Variants in NT5DC3 observed in about 807,000 individuals in gnomAD.
NT5DC3 encodes 5'-nucleotidase domain-containing protein 3.
A neutral mutation model predicts 67.8 loss-of-function variants in NT5DC3; 42 were observed. That is an observed-to-expected ratio of 0.62 (90% CI 0.48 to 0.80). NT5DC3 has a LOEUF of 0.80. Among genes scored for constraint, NT5DC3 ranks in the 30% least tolerant of loss-of-function variants. NT5DC3 has a pLI of 0.00. For missense variants in NT5DC3, 570 were observed against 696.4 expected (o/e 0.82, Z 2.04); for synonymous variants, 237 against 255.6 (o/e 0.93, Z 0.69).
chr12:103,749,841 C>CAAAAAAAAAAAAAAAAAA, the NT5DC3 span, among the ~76,000 whole-genome samples: 6 of 51,152 alleles, frequency 1.2e-4, no homozygotes, highest in African/African-American at 2.1e-4. Flanking sequence ...CTCTGTCTCA[C>CAAAAAAAAAAAAAAAAAA]AAAAAAAAAA....
downstream of NT5DC3, among the ~76,000 whole-genome samples, chr12:103,768,592 G>A (rs57720260): frequency 0.16 from 24 of 150 alleles, 5 homozygotes; most frequent in African/African-American, 0.31. Flanking sequence ...GGGGAGGGAG[G>A]GAGAGGGAAA....
intron 12 of NT5DC3, among the ~76,000 whole-genome samples, chr12:103,781,920 C>T (rs1050630676): frequency 2.0e-5 from 3 of 152,214 alleles, no homozygotes; most frequent in African/African-American, 4.8e-5. Flanking sequence ...AGATTGGCTA[C>T]ATATCTTTGC....
At chr12:103,832,724 A>ATT (rs1887985191) in intron 1 of NT5DC3, among the ~76,000 whole-genome samples, 1 of 152,142 alleles carries the variant, frequency 6.6e-6, no homozygotes, top group Non-Finnish European at 1.5e-5. Flanking sequence ...GCAAATTTAA[A>ATT]TCTAAAAAAC....
At chr12:103,746,949 CT>C in the NT5DC3 span, among the ~76,000 whole-genome samples, 42,200 of 96,000 alleles carry the variant, frequency 0.44, 7,574 homozygotes, top group Non-Finnish European at 0.45. Context: ...GTTTTTCTTT[CT>C]TTTTTTTTTT....
the NT5DC3 span, chr12:103,753,235 T>G: frequency 1.7e-5 from 28 of 1,614,096 alleles, no homozygotes; most frequent in African/African-American, 3.6e-4. Context: ...ACTGTTGGGG[T>G]GTTCCATCTA....
the NT5DC3 span, among the ~76,000 whole-genome samples, chr12:103,761,629 A>G: frequency 6.6e-6 from 1 of 152,018 alleles, no homozygotes; most frequent in East Asian, 1.9e-4. Context: ...AGTCACCATT[A>G]ATATCTGTTG....
chr12:103,816,127 T>C (rs1887240616), intron 1 of NT5DC3, among the ~76,000 whole-genome samples: 1 of 152,250 alleles, frequency 6.6e-6, no homozygotes. Context: ...TTCATATATA[T>C]TGGTGTGCCA....
intron 4 of NT5DC3, among the ~76,000 whole-genome samples, chr12:103,800,577 T>C (rs932488281): frequency 3.3e-5 from 5 of 152,188 alleles, no homozygotes; most frequent in Admixed American, 1.3e-4. Flanking sequence ...AGCAACCAAA[T>C]GGCGGCTCAG....
chr12:103,813,238 G>T (rs561585349), intron 2 of NT5DC3, among the ~76,000 whole-genome samples: 1 of 152,354 alleles, frequency 6.6e-6, no homozygotes, highest in South Asian at 2.1e-4. Flanking sequence ...GGCATGGGGT[G>T]GCAGGCAGGA....
chr12:103,762,126 G>A, the NT5DC3 span: 5 of 1,039,436 alleles, frequency 4.8e-6, no homozygotes, highest in South Asian at 8.0e-5. Flanking sequence ...AAGGGTATTA[G>A]ACCCTGGCAG....
At chr12:103,787,170 A>G (rs1428939835) in intron 11 of NT5DC3, among the ~76,000 whole-genome samples, 1 of 148,376 alleles carries the variant, frequency 6.7e-6, no homozygotes, top group Non-Finnish European at 1.5e-5. Flanking sequence ...AAATGGAAAG[A>G]TTATTCTGAT....
chr12:103,765,453 C>T (rs1310259009), downstream of NT5DC3, among the ~76,000 whole-genome samples: 1 of 152,212 alleles, frequency 6.6e-6, no homozygotes, highest in Non-Finnish European at 1.5e-5. Flanking sequence ...GACACATTTA[C>T]CACCACTAGT....
the NT5DC3 span, among the ~76,000 whole-genome samples, chr12:103,748,083 T>C: frequency 6.6e-6 from 1 of 152,172 alleles, no homozygotes; most frequent in Non-Finnish European, 1.5e-5. Flanking sequence ...ACATGTACTT[T>C]CTAATATTTT....
downstream of NT5DC3, among the ~76,000 whole-genome samples, chr12:103,771,485 TG>T (rs1885180234): frequency 6.6e-6 from 1 of 152,214 alleles, no homozygotes; most frequent in South Asian, 2.1e-4. Context: ...TTCAGTGTAC[TG>T]GGCTCTCCCT....
chr12:103,801,662 C>T (rs138452998), intron 4 of NT5DC3, among the ~76,000 whole-genome samples: 9,019 of 151,988 alleles, frequency 0.059, 870 homozygotes, highest in African/African-American at 0.21. Flanking sequence ...ATTACAGGCA[C>T]GAGCCACAGT....
chr12:103,772,261 G>A (rs978556172), downstream of NT5DC3: 2 of 152,210 alleles, frequency 1.3e-5, no homozygotes, highest in African/African-American at 2.4e-5. Context: ...AGAATTTAAC[G>A]TGGCAGACTT....
rs779320157 is a variant in NT5DC3, at chr12:103,815,068, T to C, written c.262A>G (p.Asn88Asp). 1.1e-5 allele frequency: 17 copies of C among 1,613,534 alleles called. No individual in the cohort carries two copies. The East Asian group carries it at 2.2e-4, about 21-fold the overall frequency. Residue 88 changes from asparagine to aspartate, a missense_variant, in exon 2 of 14, where the codon AAC becomes GAC. Physicochemically the swap from Asn to Asp is conservative, Grantham distance 23. Around this residue, in one of 2 missense-constraint regions of NT5DC3, gnomAD observed 466 missense variants for 608.0 expected, o/e 0.77. Transcript: ENST00000392876. Reference sequence around the variant, plus strand: ...ATGTCTGACAGGCTCATTTCATTGTTTGAGAAAATGGCATCTGGATTCAAC... The same window carrying C: ...ATGTCTGACAGGCTCATTTCATTGTCTGAGAAAATGGCATCTGGATTCAAC... Reference protein sequence around the residue: ...NLLNPDAIFSNNEMSLSDIEI... With the variant: ...NLLNPDAIFSDNEMSLSDIEI...
chr12:103,750,687 G>A, the NT5DC3 span: 1 of 1,614,054 alleles, frequency 6.2e-7, no homozygotes. Flanking sequence ...GCAGTGCCAT[G>A]CAGACGCCAA....
intron 1 of NT5DC3, among the ~76,000 whole-genome samples, chr12:103,825,942 TGAAG>T (rs1887676979): frequency 6.6e-6 from 1 of 152,224 alleles, no homozygotes; most frequent in Non-Finnish European, 1.5e-5. Flanking sequence ...AAGAACTCCA[TGAAG>T]TAAATACTAC....
Sources: allele counts gnomAD v4.1 joint callset (sites outside exome capture counted in the v4.1 genomes callset), GRCh38; gene constraint gnomAD v4.1.1; regional missense constraint gnomAD v4.1.1; transcripts MANE v1.5; gene names NCBI Gene and HGNC (gene_info 2026-07-23, HGNC 2026-07-21).